Variants in RP2 observed in about 807,000 individuals in gnomAD.
RP2 encodes the protein protein XRP2.
In RP2, 3 loss-of-function variants were observed where a neutral mutation model predicts 20.3. That is an observed-to-expected ratio of 0.15 (90% CI 0.07 to 0.38). The LOEUF (loss-of-function observed/expected upper bound fraction) is 0.38. Ranked by LOEUF, RP2 falls within the 10% of genes least tolerant of loss-of-function variation. RP2 has a pLI of 1.00. For synonymous variants in RP2, 75 were observed against 94.8 expected, an observed-to-expected ratio of 0.79 and a Z score of 1.22; for missense variants, 233 against 268.5, an observed-to-expected ratio of 0.87 and a Z score of 0.92.
At chrX:46,877,384 C>A in intron 3 of RP2, 121 bp from the exon 4 acceptor site, 1 of 534,818 alleles carries the variant, frequency 1.9e-6, no homozygotes, top group South Asian at 2.6e-5. Context: ...GTCTGCTTTC[C>A]TCTTCCTTCT....
rs1300579798 is a variant in RP2 at position 46,847,744 on chromosome X, A to ATG, written c.103-5722_103-5721dup. ...TATGTGTGTGTGTATATACACACAT[A>ATG]TGTGTGTGTGTATATACACACATGT... On this transcript the variant is annotated intron_variant, in intron 1 of 4. Transcript: ENST00000218340. Among the ~76,000 whole-genome samples the ATG allele has an allele frequency of 4.0e-3, 330 of 81,521 alleles. 3 individuals carry two copies. The highest frequency in any genetic ancestry group is 0.02 in the Middle Eastern group (3 of 147). 70.8% of individuals were successfully genotyped at this position (81,521 alleles called of 115,157 possible). A position where few individuals can be genotyped will look rare whatever the true frequency, so the allele number is the denominator to read the frequency against.
chrX:46,848,384 A>ATT (rs1324909281), intron 1 of RP2, among the ~76,000 whole-genome samples: 6 of 92,729 alleles, frequency 6.5e-5, no homozygotes, highest in Non-Finnish European at 1.1e-4. Context: ...TTTTTCTTTG[A>ATT]TTTTTTTTTT....
intron 3 of RP2, among the ~76,000 whole-genome samples, 160 bp downstream of exon 3, chrX:46,860,262 T>C (rs1556319926): frequency 8.9e-6 from 1 of 111,887 alleles, no homozygotes; most frequent in African/African-American, 3.2e-5. Context: ...TTCACATCAC[T>C]CAAGGAGCCC....
chrX:46,860,158 G>A (rs1475589834), intron 3 of RP2, 56 bp downstream of exon 3: 2 of 835,555 alleles, frequency 2.4e-6, no homozygotes, highest in Non-Finnish European at 3.6e-6. Context: ...ATGCTGATTT[G>A]ATTTACTTTT....
At chrX:46,847,046 G>A (rs2147078233) in intron 1 of RP2, among the ~76,000 whole-genome samples, 1 of 111,788 alleles carries the variant, frequency 8.9e-6, no homozygotes, top group South Asian at 3.7e-4. Context: ...AAAAAAAAAT[G>A]TTTAGCCATT....
At chrX:46,863,517 C>T (rs1404112478) in intron 3 of RP2, among the ~76,000 whole-genome samples, 2 of 112,173 alleles carry the variant, frequency 1.8e-5, no homozygotes, top group Non-Finnish European at 3.8e-5. Flanking sequence ...GATATTCTAG[C>T]AGGAGTTGGA....
chrX:46,847,785 CACAT>C (rs1370878568), intron 1 of RP2, among the ~76,000 whole-genome samples: 3 of 76,418 alleles, frequency 3.9e-5, no homozygotes, highest in Admixed American at 3.0e-4. Context: ...TGTACATACA[CACAT>C]GTGTGTGTGT....
chrX:46,864,583 G>A lies in RP2; in HGVS notation c.883+4481G>A, dbSNP rs1044919237. On this transcript the variant is annotated intron_variant, in intron 3 of 4. Coordinates refer to ENST00000218340, the MANE Select transcript of RP2 (RefSeq NM_006915.3). The stretch of plus-strand genomic sequence containing the variant: ...GCACCACCATACCCAGCTAATTTTT[G>A]TATTTTTTGTAGAGATGGCATTTTG... Among the ~76,000 whole-genome samples, 3 of 110,064 alleles carry A rather than the reference G, an allele frequency of 2.7e-5. No homozygotes were observed. The East Asian group carries it at 8.7e-4, about 32-fold the overall frequency.
At position 46,862,386 on chromosome X, in the gene RP2, T is replaced by C. The variant is rs370633576; in HGVS notation, c.883+2284T>C. 8.5e-4 allele frequency among the ~76,000 whole-genome samples: 73 copies of C among 85,392 alleles called. No homozygotes were observed. In the South Asian group the frequency reaches 0.013, roughly 15 times the overall value. 74.2% of individuals were successfully genotyped at this position (85,392 alleles called of 115,157 possible). ...TCTGTCTCAAAAAAAAATGGCCGGG[T>C]GTGGTGGCTCACGCCTGTAATCCCA... On this transcript the variant is annotated intron_variant, in intron 3 of 4. Transcript: ENST00000218340.
chrX:46,870,719 C>A (rs915514791), intron 3 of RP2, among the ~76,000 whole-genome samples: 3 of 112,037 alleles, frequency 2.7e-5, no homozygotes, highest in Non-Finnish European at 5.6e-5. Flanking sequence ...TCAGGCAATT[C>A]TAATTTTTTG....
chrX:46,869,577 C>T (rs782085320), intron 3 of RP2, among the ~76,000 whole-genome samples: 75 of 87,604 alleles, frequency 8.6e-4, no homozygotes, highest in South Asian at 1.7e-3. Flanking sequence ...CTACCGTGCC[C>T]GGCCGTCAGT....
At chrX:46,863,189 G>A (rs1447924350) in intron 3 of RP2, among the ~76,000 whole-genome samples, 6 of 111,656 alleles carry the variant, frequency 5.4e-5, no homozygotes, top group Non-Finnish European at 1.1e-4. Context: ...TAGAATTATC[G>A]TTGATCCTTT....
At chrX:46,861,578 C>T (rs1461752153) in intron 3 of RP2, among the ~76,000 whole-genome samples, 3 of 111,626 alleles carry the variant, frequency 2.7e-5, no homozygotes, top group African/African-American at 6.5e-5. Flanking sequence ...GATGTAGTGC[C>T]GAACCCCTGT....
At chrX:46,848,763 G>A (rs782401906) in intron 1 of RP2, among the ~76,000 whole-genome samples, 12 of 109,257 alleles carry the variant, frequency 1.1e-4, no homozygotes, top group East Asian at 5.9e-4. Flanking sequence ...ACACGGTGGC[G>A]CATGCCTGTA....
intron 1 of RP2, among the ~76,000 whole-genome samples, chrX:46,849,307 C>G (rs782148216): frequency 9.0e-6 from 1 of 110,516 alleles, no homozygotes; most frequent in Admixed American, 9.7e-5. Context: ...CCTCCTGCCT[C>G]AGCCTTCTGA....
chrX:46,877,608 C>G lies in RP2; in HGVS notation c.969+18C>G, dbSNP rs369210778. ...GGACCAAGGTACAAGATTTTATTGA[C>G]TGTATTTCAATCTAACTTTTCATTT... On this transcript the variant is annotated intron_variant, in intron 4 of 4. Coordinates refer to ENST00000218340, the MANE Select transcript of RP2 (RefSeq NM_006915.3). 9 of 1,029,119 alleles carry G rather than the reference C, an allele frequency of 8.7e-6. No individual in the cohort carries two copies. The highest frequency in any genetic ancestry group is 1.2e-5 in the Non-Finnish European group (9 of 730,950). The allele number at this position is 1,029,119 out of a possible 1,213,427, so 84.8% of individuals were successfully genotyped here. A position where few individuals can be genotyped will look rare whatever the true frequency, so the allele number is the denominator to read the frequency against.
chrX:46,871,029 T>TC (rs1458191824), intron 3 of RP2, among the ~76,000 whole-genome samples: 1 of 94,125 alleles, frequency 1.1e-5, no homozygotes, highest in African/African-American at 4.0e-5. Context: ...TCCTTTTTTT[T>TC]TTTTTTTTTT....
chrX:46,867,671 A>G (rs782496986), intron 3 of RP2, among the ~76,000 whole-genome samples: 10 of 101,333 alleles, frequency 9.9e-5, no homozygotes, highest in African/African-American at 3.3e-4. Flanking sequence ...CCCCTTTTCC[A>G]GCCTCTGATA....
At position 46,881,074 on chromosome X, in the gene RP2, A is replaced by G. The variant is rs1293073822; in HGVS notation, c.*1305A>G. On this transcript the variant is annotated 3_prime_UTR_variant, in exon 5 of 5. Transcript: ENST00000218340. The stretch of plus-strand genomic sequence containing the variant: ...ACTAAGACTGAAAATAACCACTTGT[A>G]AACATTCCTATGATTGTTACTAAAA... 8.9e-6 allele frequency: 1 copy of G among 112,206 alleles called. No homozygotes were observed. Among genetic ancestry groups the G allele is most frequent in the African/African-American group, 3.2e-5 (1 of 30,943 alleles). 9.2% of individuals were successfully genotyped at this position (112,206 alleles called of 1,213,427 possible).
Sources: gnomAD v4.1 joint callset for allele counts (sites outside exome capture counted in the v4.1 genomes callset) on GRCh38, gnomAD v4.1.1 for gene constraint, MANE v1.5 for transcripts, NCBI Gene and HGNC (gene_info 2026-07-23, HGNC 2026-07-21) for gene names.